TRPC4: variants seen among roughly 807,000 people sequenced by gnomAD.
The protein encoded by TRPC4 is short transient receptor potential channel 4.
In TRPC4, 49 loss-of-function variants were observed where a neutral mutation model predicts 99.4. The observed-to-expected ratio is 0.49, with a 90% confidence interval of 0.39 to 0.63. The LOEUF (loss-of-function observed/expected upper bound fraction) is 0.63. Among genes scored for constraint, TRPC4 ranks in the 20% least tolerant of loss-of-function variants. The pLI, the probability that TRPC4 is intolerant of heterozygous loss-of-function variation, is 0.00. For missense variants in TRPC4, 898 were observed against 1,152.9 expected (o/e 0.78, Z 3.20); for synonymous variants, 454 against 425.9 (o/e 1.07, Z -0.81).
chr13:37,679,919 T>TA (rs1303695140), intron 4 of TRPC4, among the ~76,000 whole-genome samples: 1 of 152,132 alleles, frequency 6.6e-6, no homozygotes, highest in Non-Finnish European at 1.5e-5. Flanking sequence ...TGGCACACAT[T>TA]TTTTTCCATA....
At chr13:37,703,631 A>G (rs137993872) in intron 3 of TRPC4, among the ~76,000 whole-genome samples, 226 of 152,306 alleles carry the variant, frequency 1.5e-3, no homozygotes, top group African/African-American at 4.8e-3. Context: ...ACAATGAAGT[A>G]TCACTGCATA....
chr13:37,815,750 CA>C (rs2139502164), intron 1 of TRPC4, among the ~76,000 whole-genome samples: 1 of 151,996 alleles, frequency 6.6e-6, no homozygotes, highest in East Asian at 1.9e-4. Flanking sequence ...CTGAACTTGA[CA>C]GTTGATCAAA....
intron 1 of TRPC4, among the ~76,000 whole-genome samples, chr13:37,819,105 C>T (rs754047544): frequency 6.6e-6 from 1 of 151,820 alleles, no homozygotes; most frequent in African/African-American, 2.4e-5. Flanking sequence ...TCATTAGAGA[C>T]ATGCAAATGA....
chr13:37,754,098 G>A (rs1444661410), intron 2 of TRPC4, among the ~76,000 whole-genome samples: 1 of 152,052 alleles, frequency 6.6e-6, no homozygotes, highest in African/African-American at 2.4e-5. Flanking sequence ...AATAATTTAA[G>A]GAAGTCTAAA....
intron 1 of TRPC4, among the ~76,000 whole-genome samples, chr13:37,794,161 T>C (rs1957192984): frequency 6.6e-6 from 1 of 151,822 alleles, no homozygotes; most frequent in South Asian, 2.1e-4. Flanking sequence ...AAAAAGGAGG[T>C]AACTACAGTT....
At chr13:37,781,002 A>G (rs1956823976) in intron 2 of TRPC4, among the ~76,000 whole-genome samples, 1 of 151,988 alleles carries the variant, frequency 6.6e-6, no homozygotes, top group Non-Finnish European at 1.5e-5. Context: ...GCCTTTTATT[A>G]ATAATCAGGA....
At chr13:37,685,598 C>G (rs776300872) in intron 4 of TRPC4, among the ~76,000 whole-genome samples, 1 of 151,504 alleles carries the variant, frequency 6.6e-6, no homozygotes, top group Non-Finnish European at 1.5e-5. Context: ...AAGACTAATT[C>G]AAGAATCTCA....
chr13:37,723,167 G>C (rs1031948395), intron 3 of TRPC4, among the ~76,000 whole-genome samples: 1 of 152,052 alleles, frequency 6.6e-6, no homozygotes, highest in Admixed American at 6.6e-5. Flanking sequence ...CCTTAGGGAG[G>C]CCCTTTATAA....
intron 8 of TRPC4, among the ~76,000 whole-genome samples, chr13:37,649,472 C>T (rs566745930): frequency 1.4e-4 from 22 of 152,040 alleles, no homozygotes; most frequent in African/African-American, 4.1e-4. Context: ...CGGTGGCTCA[C>T]GCCTGTAATC....
chr13:37,727,068 C>A (rs1251490371), intron 3 of TRPC4, among the ~76,000 whole-genome samples: 7 of 152,020 alleles, frequency 4.6e-5, no homozygotes, highest in Non-Finnish European at 8.8e-5. Context: ...CTGGGCAACA[C>A]AATAAGCCAA....
chr13:37,777,578 T>C (rs192343944), intron 2 of TRPC4, among the ~76,000 whole-genome samples: 7 of 149,002 alleles, frequency 4.7e-5, no homozygotes, highest in Admixed American at 6.9e-5. Flanking sequence ...ATATCAACAA[T>C]GGTGGCATTT....
chr13:37,690,038 T>C (rs558966983), intron 4 of TRPC4, among the ~76,000 whole-genome samples: 2 of 152,328 alleles, frequency 1.3e-5, no homozygotes, highest in African/African-American at 4.8e-5. Flanking sequence ...TTTTTCAAAA[T>C]GAAATGTTCT....
At chr13:37,819,933 A>T (rs1056881326) in intron 1 of TRPC4, among the ~76,000 whole-genome samples, 5 of 152,038 alleles carry the variant, frequency 3.3e-5, no homozygotes, top group Non-Finnish European at 5.9e-5. Flanking sequence ...AGAAGGCAAT[A>T]AACAACCAAA....
chr13:37,760,967 A>AAT (rs1956207135), intron 2 of TRPC4, among the ~76,000 whole-genome samples: 1 of 151,990 alleles, frequency 6.6e-6, no homozygotes, highest in Non-Finnish European at 1.5e-5. Context: ...TTGAATTAAA[A>AAT]ATACCAGCAA....
At chr13:37,676,499 A>C (rs1193544376) in intron 4 of TRPC4, among the ~76,000 whole-genome samples, 1 of 151,764 alleles carries the variant, frequency 6.6e-6, no homozygotes, top group Non-Finnish European at 1.5e-5. Flanking sequence ...CAGCCTCCCT[A>C]GTAGCTGGGA....
intron 5 of TRPC4, among the ~76,000 whole-genome samples, chr13:37,670,093 C>T (rs1952785501): frequency 6.6e-6 from 1 of 152,106 alleles, no homozygotes; most frequent in African/African-American, 2.4e-5. Context: ...TGTGACCAAC[C>T]TTCTATAAGT....
chr13:37,745,519 CGTATATATGTATATAT>C (rs1955745069), intron 3 of TRPC4, among the ~76,000 whole-genome samples: 1 of 104,780 alleles, frequency 9.5e-6, no homozygotes, highest in African/African-American at 4.7e-5. Context: ...TATATATATA[CGTATATATGTATATAT>C]ACGTATATAT....
Position 37,813,501 on chromosome 13 carries a change from G to T in TRPC4, c.-27-30141C>A, listed in dbSNP as rs190425202. Reference sequence around the variant, plus strand: ...GAAACTTTAGCTAAACAGACCAAGGGGAAAAAAAAGAGAAGATGCAAATTA... The same window carrying T: ...GAAACTTTAGCTAAACAGACCAAGGTGAAAAAAAAGAGAAGATGCAAATTA... On this transcript the variant is annotated intron_variant, in intron 1 of 10. Coordinates refer to ENST00000379705, the MANE Select transcript of TRPC4 (RefSeq NM_016179.4). 2.6e-3 allele frequency among the ~76,000 whole-genome samples: 385 copies of T among 150,750 alleles called. 1 individual carries two copies. The highest frequency in any genetic ancestry group is 9.1e-3 in the African/African-American group (376 of 41,254).
Position 37,649,731 on chromosome 13 carries a change from C to CAAAAA in TRPC4, c.2079+1529_2079+1533dup, listed in dbSNP as rs775364702. On this transcript the variant is annotated intron_variant, in intron 8 of 10. Transcript: ENST00000379705. ...TGGGCAACTGAGCGAGACTCCGTCTCAAAAAAAAAAAAAAAAAAAAAAAAA... is the reference window on the plus strand; with the variant it reads ...TGGGCAACTGAGCGAGACTCCGTCTCAAAAAAAAAAAAAAAAAAAAAAAAAAAAAA... 3.5e-3 allele frequency among the ~76,000 whole-genome samples: 217 copies of CAAAAA among 62,694 alleles called. 10 individuals carry two copies. In the East Asian group the frequency reaches 0.041, roughly 12 times the overall value. 41.1% of individuals were successfully genotyped at this position (62,694 alleles called of 152,430 possible).
Sources: gnomAD v4.1 joint callset for allele counts (sites outside exome capture counted in the v4.1 genomes callset) on GRCh38, gnomAD v4.1.1 for gene constraint, MANE v1.5 for transcripts, NCBI Gene and HGNC (gene_info 2026-07-23, HGNC 2026-07-21) for gene names.